BRD10: variants seen among roughly 807,000 people sequenced by gnomAD.
BRD10 encodes the protein uncharacterized bromodomain-containing protein 10.
At chr9:6,008,015 C>G in the BRD10 span, 2 of 1,225,448 alleles carry the variant, frequency 1.6e-6, no homozygotes, top group African/African-American at 1.6e-5. Flanking sequence ...AAGAGGAGAG[C>G]CTAGGTGCCC....
At chr9:5,946,370 G>C in the BRD10 span, among the ~76,000 whole-genome samples, 1 of 152,048 alleles carries the variant, frequency 6.6e-6, no homozygotes, top group Admixed American at 6.6e-5. Context: ...GGACAGTGTA[G>C]CTGGTATTTA....
the BRD10 span, among the ~76,000 whole-genome samples, chr9:5,952,649 G>A: frequency 5.9e-5 from 9 of 152,088 alleles, no homozygotes; most frequent in Non-Finnish European, 8.8e-5. Context: ...CTTAATATAT[G>A]GAAAAGTCTA....
At chr9:5,954,442 G>GA in the BRD10 span, among the ~76,000 whole-genome samples, 2 of 152,170 alleles carry the variant, frequency 1.3e-5, no homozygotes, top group Middle Eastern at 6.8e-3. Flanking sequence ...ACTACATAGG[G>GA]AAAAAAACCT....
chr9:5,983,839 A>G, the BRD10 span, among the ~76,000 whole-genome samples: 2 of 152,070 alleles, frequency 1.3e-5, no homozygotes, highest in Non-Finnish European at 2.9e-5. Flanking sequence ...GACCACCCCT[A>G]TAGGAACAAA....
At chr9:5,941,419 A>G in the BRD10 span, among the ~76,000 whole-genome samples, 1 of 152,210 alleles carries the variant, frequency 6.6e-6, no homozygotes, top group Non-Finnish European at 1.5e-5. Flanking sequence ...AGCAAAAACT[A>G]AAGGGCTTTG....
chr9:5,957,449 A>C, the BRD10 span, among the ~76,000 whole-genome samples: 1 of 152,192 alleles, frequency 6.6e-6, no homozygotes, highest in South Asian at 2.1e-4. Flanking sequence ...TTAACAATAC[A>C]GCCAAGTAGG....
the BRD10 span, among the ~76,000 whole-genome samples, chr9:5,953,838 T>G: frequency 2.0e-5 from 3 of 152,116 alleles, no homozygotes; most frequent in African/African-American, 7.2e-5. Context: ...AATTACGAAA[T>G]ACTAGCAGAT....
the BRD10 span, chr9:5,919,541 A>ACACACACACAC: frequency 8.3e-6 from 1 of 120,656 alleles, no homozygotes; most frequent in East Asian, 3.2e-4. Context: ...AAGATACATT[A>ACACACACACAC]AAACACACAC....
At chr9:5,895,295 C>T in the BRD10 span, among the ~76,000 whole-genome samples, 1 of 151,882 alleles carries the variant, frequency 6.6e-6, no homozygotes, top group Non-Finnish European at 1.5e-5. Flanking sequence ...CCACCAATGT[C>T]AAAAGTCATT....
the BRD10 span, among the ~76,000 whole-genome samples, chr9:5,929,871 G>C: frequency 1.3e-5 from 2 of 152,032 alleles, no homozygotes; most frequent in African/African-American, 4.8e-5. Flanking sequence ...TAAATGACTT[G>C]CTTAAGGTCC....
At chr9:5,992,678 G>A in the BRD10 span, among the ~76,000 whole-genome samples, 4,444 of 150,548 alleles carry the variant, frequency 0.03, 411 homozygotes, top group East Asian at 0.34. Context: ...AATAATTATG[G>A]TTACTTATTG....
At chr9:6,006,611 A>AT in the BRD10 span, among the ~76,000 whole-genome samples, 1 of 152,182 alleles carries the variant, frequency 6.6e-6, no homozygotes, top group South Asian at 2.1e-4. Context: ...GTGTTGATGC[A>AT]TTCCCTATTA....
At chr9:5,899,840 T>C in the BRD10 span, among the ~76,000 whole-genome samples, 1 of 152,214 alleles carries the variant, frequency 6.6e-6, no homozygotes, top group Non-Finnish European at 1.5e-5. Flanking sequence ...CTCAATTGTG[T>C]TGCATTAGGA....
the BRD10 span, among the ~76,000 whole-genome samples, chr9:5,883,901 C>A: frequency 6.6e-6 from 1 of 152,174 alleles, no homozygotes; most frequent in Non-Finnish European, 1.5e-5. Flanking sequence ...TGGACTGACA[C>A]AAGGGTTTGC....
the BRD10 span, among the ~76,000 whole-genome samples, chr9:5,934,381 C>G: frequency 1.6e-5 from 2 of 121,982 alleles, no homozygotes; most frequent in Non-Finnish European, 3.3e-5. Context: ...TTTTTGGAGA[C>G]AGGGTCTTGC....
chr9:5,966,884 A>G, the BRD10 span, among the ~76,000 whole-genome samples: 2 of 152,202 alleles, frequency 1.3e-5, no homozygotes, highest in Non-Finnish European at 2.9e-5. Context: ...GTGGTTTTTC[A>G]CCACCTGGAT....
the BRD10 span, chr9:5,928,953 G>T: frequency 1.6e-6 from 1 of 643,540 alleles, no homozygotes; most frequent in African/African-American, 1.9e-5. Flanking sequence ...ACAAATGACT[G>T]GAAAACTACT....
At chr9:5,990,292 G>C in the BRD10 span, among the ~76,000 whole-genome samples, 1 of 152,166 alleles carries the variant, frequency 6.6e-6, no homozygotes, top group African/African-American at 2.4e-5. Flanking sequence ...TAATTAATTA[G>C]CTATATAATT....
chr9:5,976,204 A>G, the BRD10 span, among the ~76,000 whole-genome samples: 36 of 152,272 alleles, frequency 2.4e-4, 1 homozygote, highest in Admixed American at 2.4e-3. Flanking sequence ...GTAAAATAAA[A>G]TAAGTCTGAA....
Sources: gnomAD v4.1 joint callset for allele counts (sites outside exome capture counted in the v4.1 genomes callset) on GRCh38, gnomAD v4.1.1 for gene constraint, MANE v1.5 for transcripts, NCBI Gene and HGNC (gene_info 2026-07-23, HGNC 2026-07-21) for gene names.